Variants in LRRC8D observed in about 807,000 individuals in gnomAD.
LRRC8D encodes volume-regulated anion channel subunit LRRC8D.
A neutral mutation model predicts 55.8 loss-of-function variants in LRRC8D; 20 were observed. That is an observed-to-expected ratio of 0.36 (90% CI 0.25 to 0.52). The LOEUF (loss-of-function observed/expected upper bound fraction) is 0.52. Ranked by LOEUF, LRRC8D falls within the 20% of genes least tolerant of loss-of-function variation. LRRC8D has a pLI of 0.93. For missense variants in LRRC8D, 651 were observed against 1,030.8 expected (o/e 0.63, Z 5.05); for synonymous variants, 352 against 377.0 (o/e 0.93, Z 0.77).
chr1:89,860,419 T>A (rs1271099959), intron 2 of LRRC8D, among the ~76,000 whole-genome samples: 3 of 152,096 alleles, frequency 2.0e-5, no homozygotes, highest in Non-Finnish European at 4.4e-5. Flanking sequence ...TTCTCCTTAG[T>A]AAGTTTATTG....
intron 2 of LRRC8D, among the ~76,000 whole-genome samples, chr1:89,885,805 A>G (rs572398092): frequency 3.9e-5 from 6 of 152,306 alleles, no homozygotes; most frequent in African/African-American, 4.8e-5. Flanking sequence ...AAGATCCTCA[A>G]TTCCTCAAAC....
At chr1:89,832,547 A>G (rs1284292563) in intron 1 of LRRC8D, among the ~76,000 whole-genome samples, 1 of 152,222 alleles carries the variant, frequency 6.6e-6, no homozygotes, top group Non-Finnish European at 1.5e-5. Flanking sequence ...TTAGTGCAGT[A>G]AGGATCTTTA....
Position 89,935,846 on chromosome 1 carries a change from A to AT in LRRC8D, c.*212dup, listed in dbSNP as rs58055791. ...GTTTTAAGTCATTCATTTCCAAATC[A>AT]TTTTTTTTTTTCTTTTGGGGAAAGG... On this transcript the variant is annotated 3_prime_UTR_variant, in exon 3 of 3. Transcript: ENST00000337338. 9,350 of 368,948 alleles carry AT rather than the reference A, an allele frequency of 0.025. No individual in the cohort carries two copies. Among genetic ancestry groups the AT allele is most frequent in the Middle Eastern group, 0.038 (50 of 1,320 alleles). The allele number at this position is 368,948 out of a possible 1,614,324, so 22.9% of individuals were successfully genotyped here.
At chr1:89,920,561 C>CT (rs1663386486) in intron 2 of LRRC8D, among the ~76,000 whole-genome samples, 1 of 151,860 alleles carries the variant, frequency 6.6e-6, no homozygotes, top group South Asian at 2.1e-4. Flanking sequence ...TTATCATAAT[C>CT]TTTTAAGAGG....
At chr1:89,879,404 C>T (rs1373378017) in intron 2 of LRRC8D, among the ~76,000 whole-genome samples, 1 of 152,204 alleles carries the variant, frequency 6.6e-6, no homozygotes, top group Non-Finnish European at 1.5e-5. Context: ...TTGTTGAGAA[C>T]TAGAGCCGTC....
intron 2 of LRRC8D, among the ~76,000 whole-genome samples, chr1:89,851,997 AT>A (rs11288741): frequency 0.31 from 46,816 of 149,700 alleles, 7,389 homozygotes; most frequent in East Asian, 0.4. Flanking sequence ...TAATAGCTGT[AT>A]TTTTTTTTTT....
chr1:89,835,295 G>A (rs1660978342), intron 1 of LRRC8D, among the ~76,000 whole-genome samples: 1 of 152,190 alleles, frequency 6.6e-6, no homozygotes, highest in African/African-American at 2.4e-5. Flanking sequence ...CTAATTTTGA[G>A]TTTGTCCCTG....
chr1:89,924,595 C>CA (rs1322432875), intron 2 of LRRC8D, among the ~76,000 whole-genome samples: 8 of 152,170 alleles, frequency 5.3e-5, no homozygotes, highest in South Asian at 2.1e-4. Flanking sequence ...AATCATTCTA[C>CA]AAAAAAGATG....
At chr1:89,877,599 T>C (rs1454372696) in intron 2 of LRRC8D, among the ~76,000 whole-genome samples, 1 of 152,168 alleles carries the variant, frequency 6.6e-6, no homozygotes, top group Non-Finnish European at 1.5e-5. Context: ...TATATTAACC[T>C]GGCTAATGCA....
intron 2 of LRRC8D, among the ~76,000 whole-genome samples, chr1:89,884,420 A>C (rs761251014): frequency 2.0e-4 from 30 of 152,350 alleles, no homozygotes; most frequent in Admixed American, 1.4e-3. Flanking sequence ...ATTCACATCC[A>C]GATATCAGAA....
Position 89,843,716 on chromosome 1 carries a change from T to C in LRRC8D, c.-69T>C. On this transcript the variant is annotated 5_prime_UTR_variant, in exon 2 of 3. Transcript: ENST00000337338. ...GTCTCCTGTCGCCGTGGTTCCAGCC[T>C]CCGGAGCTCGCCCAAGCCGCGTCCC... is the stretch of plus-strand genomic sequence containing the variant. 1.4e-6 allele frequency: 1 copy of C among 701,798 alleles called. No individual in the cohort carries two copies. The highest frequency in any genetic ancestry group is 2.6e-6 in the Non-Finnish European group (1 of 384,558). The allele number at this position is 701,798 out of a possible 1,614,324, so 43.5% of individuals were successfully genotyped here.
chr1:89,910,102 AAAAT>A (rs1663099585), intron 2 of LRRC8D, among the ~76,000 whole-genome samples: 1 of 152,220 alleles, frequency 6.6e-6, no homozygotes, highest in African/African-American at 2.4e-5. Context: ...TTCAGAATAA[AAAAT>A]AAATCTTCAC....
chr1:89,822,663 G>A (rs1660668189), intron 1 of LRRC8D, among the ~76,000 whole-genome samples: 1 of 152,102 alleles, frequency 6.6e-6, no homozygotes, highest in Non-Finnish European at 1.5e-5. Flanking sequence ...AAACAAATAA[G>A]GGGCCCCTCC....
chr1:89,879,542 A>G (rs1662229572), intron 2 of LRRC8D, among the ~76,000 whole-genome samples: 1 of 152,230 alleles, frequency 6.6e-6, no homozygotes, highest in South Asian at 2.1e-4. Flanking sequence ...TATTATAACA[A>G]AAATACTTTC....
intron 2 of LRRC8D, among the ~76,000 whole-genome samples, chr1:89,881,507 G>T (rs1220229516): frequency 6.6e-6 from 1 of 152,176 alleles, no homozygotes. Flanking sequence ...CTCCAAACAT[G>T]TTCAGCAGCC....
At chr1:89,921,001 GCTAA>G (rs1256679767) in intron 2 of LRRC8D, among the ~76,000 whole-genome samples, 4 of 152,184 alleles carry the variant, frequency 2.6e-5, no homozygotes, top group Non-Finnish European at 4.4e-5. Context: ...GACCAAGAGG[GCTAA>G]CTTTTTTCCC....
At chr1:89,862,403 G>T (rs1056736133) in intron 2 of LRRC8D, among the ~76,000 whole-genome samples, 1 of 152,068 alleles carries the variant, frequency 6.6e-6, no homozygotes, top group South Asian at 2.1e-4. Context: ...TAATGAAAAA[G>T]TTATTGTTCT....
intron 2 of LRRC8D, among the ~76,000 whole-genome samples, chr1:89,913,759 C>T (rs1663188791): frequency 6.6e-6 from 1 of 152,126 alleles, no homozygotes. Flanking sequence ...AGAATTATTC[C>T]TTTCCTGCTC....
chr1:89,850,656 G>GGT (rs1661389327), intron 2 of LRRC8D, among the ~76,000 whole-genome samples: 1 of 152,076 alleles, frequency 6.6e-6, no homozygotes, highest in Non-Finnish European at 1.5e-5. Flanking sequence ...ACTACTCCTT[G>GGT]GTGTATATGT....
Sources: allele counts gnomAD v4.1 joint callset (sites outside exome capture counted in the v4.1 genomes callset), GRCh38; gene constraint gnomAD v4.1.1; transcripts MANE v1.5; gene names NCBI Gene and HGNC (gene_info 2026-07-23, HGNC 2026-07-21).